BCLAF3: variants seen among roughly 807,000 people sequenced by gnomAD.
The protein encoded by BCLAF3 is BCLAF1 and THRAP3 family member 3.
In BCLAF3, 24 loss-of-function variants were observed where a neutral mutation model predicts 51.2. The ratio of observed to expected loss-of-function variants is 0.47; its 90% CI spans 0.34 to 0.66. The LOEUF (loss-of-function observed/expected upper bound fraction) is 0.66, where lower values mean the gene tolerates loss of function less well. Ranked by LOEUF, BCLAF3 falls within the 30% of genes least tolerant of loss-of-function variation. The probability of loss-of-function intolerance (pLI) is 0.01; values close to 1 mark genes in which losing one functional copy is unlikely to be tolerated. For missense variants in BCLAF3, 465 were observed against 525.1 expected (o/e 0.89, Z 1.12); for synonymous variants, 152 against 176.6 (o/e 0.86, Z 1.10).
intron 10 of BCLAF3, among the ~76,000 whole-genome samples, chrX:19,934,672 G>C (rs1020611996): frequency 1.8e-5 from 2 of 111,869 alleles, no homozygotes; most frequent in Non-Finnish European, 3.8e-5. Flanking sequence ...ATTTTAGATA[G>C]TTTCTACTAC....
rs956221323 is a variant in BCLAF3, at chrX:19,916,215, A to T, written c.*1090T>A. The T allele has an allele frequency of 8.9e-6, 1 of 112,941 alleles. No homozygotes were observed. The highest frequency in any genetic ancestry group is 9.4e-5 in the Admixed American group (1 of 10,596). 9.3% of individuals were successfully genotyped at this position (112,941 alleles called of 1,213,427 possible). On this transcript the variant is annotated 3_prime_UTR_variant, in exon 12 of 12. Coordinates refer to ENST00000379682, the MANE Select transcript of BCLAF3 (RefSeq NM_001367774.2). ...CTATCCAAGGCTATAAGTCTCAAACAAAATTAAAATAATGCTCTCACAAAC... is the reference window on the plus strand; with the variant it reads ...CTATCCAAGGCTATAAGTCTCAAACTAAATTAAAATAATGCTCTCACAAAC...
intron 10 of BCLAF3, among the ~76,000 whole-genome samples, chrX:19,932,814 G>A (rs1340540667): frequency 9.0e-6 from 1 of 111,718 alleles, no homozygotes; most frequent in Non-Finnish European, 1.9e-5. Context: ...TTACAGGCGT[G>A]AGCCACCATG....
At chrX:19,946,748 A>T (rs980688277) in intron 8 of BCLAF3, among the ~76,000 whole-genome samples, 6 of 111,370 alleles carry the variant, frequency 5.4e-5, no homozygotes, top group African/African-American at 2.0e-4. Context: ...TATTCCTTAA[A>T]CAAAAGCAGG....
chrX:19,920,283 A>G (rs1454988073), intron 11 of BCLAF3, among the ~76,000 whole-genome samples: 5 of 111,906 alleles, frequency 4.5e-5, no homozygotes, highest in Non-Finnish European at 9.4e-5. Flanking sequence ...ACTTCGCCCT[A>G]TATGCCTTTT....
chrX:19,926,440 T>A lies in BCLAF3; in HGVS notation c.2106+3345A>T, dbSNP rs1482299928. Among the ~76,000 whole-genome samples, 4 of 111,286 alleles carry A rather than the reference T, an allele frequency of 3.6e-5. No homozygotes were observed. In the Admixed American group the frequency reaches 3.9e-4, roughly 11 times the overall value. ...ATTTCTATTTGCTGTGAAGCGGGGC[T>A]GGTGAGCAATGTAGTCTGGAAGAAT... On this transcript the variant is annotated intron_variant, in intron 11 of 11. Coordinates refer to ENST00000379682, the MANE Select transcript of BCLAF3 (RefSeq NM_001367774.2).
At chrX:19,950,936 A>AGAAC in intron 7 of BCLAF3, 68 bp from the exon 8 acceptor site, 1 of 722,254 alleles carries the variant, frequency 1.4e-6, no homozygotes, top group Non-Finnish European at 2.2e-6. Context: ...ATATCTAACA[A>AGAAC]GAACGTTAAT....
chrX:19,976,498 C>A (rs2072428737), intron 1 of BCLAF3, among the ~76,000 whole-genome samples: 1 of 111,330 alleles, frequency 9.0e-6, no homozygotes, highest in Admixed American at 9.5e-5. Flanking sequence ...TCCAGCGATT[C>A]TCCTGCCTCA....
At chrX:19,917,420 G>A in intron 11 of BCLAF3, 86 bp from the exon 12 acceptor site, 2 of 857,217 alleles carry the variant, frequency 2.3e-6, no homozygotes, top group South Asian at 4.5e-5. Flanking sequence ...AATTTTCAAA[G>A]TATTTTCGTT....
chrX:19,990,919 GC>G lies in BCLAF3; in HGVS notation c.-47del, dbSNP rs1176209008. 1.6e-5 allele frequency among the ~76,000 whole-genome samples: 1 copy of G among 63,657 alleles called. No individual in the cohort carries two copies. Among genetic ancestry groups the G allele is most frequent in the Non-Finnish European group, 3.0e-5 (1 of 33,648 alleles). The allele number at this position is 63,657 out of a possible 115,157, so 55.3% of individuals were successfully genotyped here. ...CCCGAGCCGCTCACCCGGCCGGGAA[GC>G]CCCCGCCGCCGCCGCCGCCGCCGCC... On this transcript the variant is annotated 5_prime_UTR_variant, in exon 1 of 12. Coordinates refer to ENST00000379682, the MANE Select transcript of BCLAF3 (RefSeq NM_001367774.2).
Position 19,946,579 on chromosome X carries a change from A to T in BCLAF3, c.1745+4174T>A, listed in dbSNP as rs151191388. Among the ~76,000 whole-genome samples, 10 of 111,551 alleles carry T rather than the reference A, an allele frequency of 9.0e-5. No individual in the cohort carries two copies. The East Asian group carries it at 2.8e-3, about 31-fold the overall frequency. On this transcript the variant is annotated intron_variant, in intron 8 of 11. Transcript: ENST00000379682. ...GTGATCCTTTTAAAATTTAAGTGAG[A>T]TTATGTCTCTTCTCTGGTTAGAACC...
At chrX:19,925,588 T>C (rs1254233338) in intron 11 of BCLAF3, among the ~76,000 whole-genome samples, 1 of 111,134 alleles carries the variant, frequency 9.0e-6, no homozygotes, top group Non-Finnish European at 1.9e-5. Context: ...GACTAAGATT[T>C]CTCTCTAAGG....
At position 19,913,228 on chromosome X, in the gene BCLAF3, T is replaced by G. The variant is rs1172071199; in HGVS notation, c.*4077A>C. 1 of 111,254 alleles carries G rather than the reference T, an allele frequency of 9.0e-6. No individual in the cohort carries two copies. Among genetic ancestry groups the G allele is most frequent in the Non-Finnish European group, 1.9e-5 (1 of 53,016 alleles). 9.2% of individuals were successfully genotyped at this position (111,254 alleles called of 1,213,427 possible). A position where few individuals can be genotyped will look rare whatever the true frequency, so the allele number is the denominator to read the frequency against. On this transcript the variant is annotated 3_prime_UTR_variant, in exon 12 of 12. Transcript: ENST00000379682. ...AGCTGGGATTACAGGTGCATGCTAC[T>G]GCGCCCGGCTAATTTATGTATTTTT...
chrX:19,927,008 C>T (rs1193873489), intron 11 of BCLAF3, among the ~76,000 whole-genome samples: 2 of 111,415 alleles, frequency 1.8e-5, no homozygotes, highest in African/African-American at 6.5e-5. Flanking sequence ...AGGTGGATCA[C>T]ATGAGGTCAG....
At chrX:19,949,028 AGT>A (rs1258899160) in intron 8 of BCLAF3, among the ~76,000 whole-genome samples, 3 of 111,255 alleles carry the variant, frequency 2.7e-5, no homozygotes, top group African/African-American at 9.8e-5. Flanking sequence ...ATGAATGTTA[AGT>A]AATGTCTCAT....
At chrX:19,960,898 T>TA (rs1462101987) in intron 4 of BCLAF3, among the ~76,000 whole-genome samples, 1 of 112,107 alleles carries the variant, frequency 8.9e-6, no homozygotes, top group Non-Finnish European at 1.9e-5. Context: ...GTGGCCAATG[T>TA]ACTCAGTCCA....
chrX:19,976,443 T>C (rs775447671), intron 1 of BCLAF3, among the ~76,000 whole-genome samples: 23 of 111,142 alleles, frequency 2.1e-4, no homozygotes, highest in Admixed American at 5.7e-4. Flanking sequence ...CAGGCTGGAG[T>C]GCAGTGGTGC....
intron 1 of BCLAF3, among the ~76,000 whole-genome samples, chrX:19,973,327 A>G (rs1386669871): frequency 8.9e-6 from 1 of 112,331 alleles, no homozygotes; most frequent in Non-Finnish European, 1.9e-5. Flanking sequence ...TGTTTTAAAA[A>G]ATAATTCAAA....
At position 19,935,836 on chromosome X, in the gene BCLAF3, G is replaced by A. The variant is rs1304277984; in HGVS notation, c.1923C>T (p.His641=). The change falls in exon 10 of 12, where the codon CAC becomes CAT. Residue 641 remains histidine (H), a synonymous_variant. Coordinates refer to ENST00000379682, the MANE Select transcript of BCLAF3 (RefSeq NM_001367774.2). ...THKPFEVEGN[H]RNTRVRPFKS... ...TAAAAGGTCTTACTCTTGTGTTTCG[G>A]TGGTTTCCCTCAACCTCAAATGGTT... 9.1e-6 allele frequency: 11 copies of A among 1,207,527 alleles called. No homozygotes were observed. Among genetic ancestry groups the A allele is most frequent in the Non-Finnish European group, 1.2e-5 (11 of 893,155 alleles).
rs748648430 is a variant in BCLAF3 at position 19,968,941 on chromosome X, G to C, written c.41+1283C>G. ...ATCCTGGCTAACAGAGTGAAACCCT[G>C]TCTCTACTAAAAATACAAAAAATTA... On this transcript the variant is annotated intron_variant, in intron 2 of 11. Transcript: ENST00000379682. Among the ~76,000 whole-genome samples, 67 of 111,034 alleles carry C rather than the reference G, an allele frequency of 6.0e-4. 1 individual carries two copies. Among genetic ancestry groups the C allele is most frequent in the African/African-American group, 2.1e-3 (65 of 30,550 alleles).
Sources: allele counts gnomAD v4.1 joint callset (sites outside exome capture counted in the v4.1 genomes callset), GRCh38; gene constraint gnomAD v4.1.1; transcripts MANE v1.5; gene names NCBI Gene and HGNC (gene_info 2026-07-23, HGNC 2026-07-21).